GAB2: variants seen among roughly 807,000 people sequenced by gnomAD.
GAB2 encodes the protein GRB2-associated-binding protein 2.
In GAB2, 26 loss-of-function variants were observed where a neutral mutation model predicts 65.5. The observed-to-expected ratio is 0.40, with a 90% CI of 0.29 to 0.55. The LOEUF is 0.55. Among genes scored for constraint, GAB2 ranks in the 20% least tolerant of loss-of-function variants. GAB2 has a pLI of 0.53. For missense variants in GAB2, 884 were observed against 875.8 expected, an observed-to-expected ratio of 1.01 and a Z score of -0.12; for synonymous variants, 321 against 329.6, an observed-to-expected ratio of 0.97 and a Z score of 0.28.
chr11:78,233,990 T>G (rs1214682209), intron 3 of GAB2, among the ~76,000 whole-genome samples: 1 of 152,266 alleles, frequency 6.6e-6, no homozygotes, highest in African/African-American at 2.4e-5. Flanking sequence ...ACTACAGTTT[T>G]TTCTCTTTTA....
chr11:78,366,522 G>C (rs1373814955), intron 1 of GAB2, among the ~76,000 whole-genome samples: 1 of 128,918 alleles, frequency 7.8e-6, no homozygotes, highest in Non-Finnish European at 1.6e-5. Context: ...GGAGGTGGAG[G>C]TTGCAGTAAA....
At chr11:78,219,461 T>C in intron 9 of GAB2, 46 bp from the exon 10 acceptor site, 1 of 1,588,988 alleles carries the variant, frequency 6.3e-7, no homozygotes, top group Non-Finnish European at 8.6e-7. Context: ...GAGTTACCAG[T>C]TAGGTGGGGA....
intron 1 of GAB2, among the ~76,000 whole-genome samples, chr11:78,286,360 AGCTGGAGGT>A (rs1250365950): frequency 6.6e-6 from 1 of 151,994 alleles, no homozygotes; most frequent in African/African-American, 2.4e-5. Context: ...CCCCAGGTAG[AGCTGGAGGT>A]GCTTCTGCTT....
chr11:78,312,763 G>A (rs1855527456), intron 1 of GAB2, among the ~76,000 whole-genome samples: 1 of 152,076 alleles, frequency 6.6e-6, no homozygotes, highest in Non-Finnish European at 1.5e-5. Flanking sequence ...AAACTGGGAG[G>A]GTGAAGTGGT....
At chr11:78,300,592 C>T (rs1198714901) in intron 1 of GAB2, among the ~76,000 whole-genome samples, 1 of 149,794 alleles carries the variant, frequency 6.7e-6, no homozygotes, top group Non-Finnish European at 1.5e-5. Flanking sequence ...CTATCAACAA[C>T]GTATGAGAAT....
At chr11:78,346,696 TATATATATATATATATATATATATAA>T (rs1565168163) in intron 1 of GAB2, among the ~76,000 whole-genome samples, 29 of 91,972 alleles carry the variant, frequency 3.2e-4, no homozygotes, top group African/African-American at 1.8e-3. Context: ...TATATATATA[TATATATATATATATATATATATATAA>T]TTTTTTTTTT....
At chr11:78,255,880 C>G (rs541760992) in intron 2 of GAB2, among the ~76,000 whole-genome samples, 4 of 152,162 alleles carry the variant, frequency 2.6e-5, no homozygotes, top group Admixed American at 2.6e-4. Flanking sequence ...ACATGGTGTG[C>G]TACATGTAAC....
chr11:78,319,734 T>TA (rs1264151094), intron 1 of GAB2, among the ~76,000 whole-genome samples: 5 of 152,202 alleles, frequency 3.3e-5, no homozygotes, highest in African/African-American at 9.7e-5. Flanking sequence ...GCACTTAAAA[T>TA]AAAAAATTAA....
rs1554986623 is a variant in GAB2, at chr11:78,307,614, G to GAGAGAGAGAGCGAGAGAC, written c.76-26714_76-26713insGTCTCTCGCTCTCTCTCT. On this transcript the variant is annotated intron_variant, in intron 1 of 9. Transcript: ENST00000361507. ...CTCTACAAAAAATGTTAGAGAGAGA[G>GAGAGAGAGAGCGAGAGAC]AGAGAGAGAGAGAGAGAGAGATGTT... Among the ~76,000 whole-genome samples, 617 of 149,692 alleles carry GAGAGAGAGAGCGAGAGAC rather than the reference G, an allele frequency of 4.1e-3. 8 individuals are homozygous for GAGAGAGAGAGCGAGAGAC. The highest frequency in any genetic ancestry group is 0.014 in the African/African-American group (569 of 39,476).
chr11:78,241,843 T>C (rs1865144255), intron 3 of GAB2, among the ~76,000 whole-genome samples: 1 of 152,180 alleles, frequency 6.6e-6, no homozygotes, highest in South Asian at 2.1e-4. Flanking sequence ...AGAGACAGAC[T>C]CTAATATAAT....
intron 9 of GAB2, 24 bp downstream of exon 9, chr11:78,220,295 C>T (rs533788190): frequency 6.2e-7 from 1 of 1,610,052 alleles, no homozygotes; most frequent in Non-Finnish European, 8.5e-7. Flanking sequence ...GCTCTTACTG[C>T]CCCCCCAACT....
intron 2 of GAB2, among the ~76,000 whole-genome samples, chr11:78,263,809 C>T (rs1865801514): frequency 6.6e-6 from 1 of 151,864 alleles, no homozygotes; most frequent in African/African-American, 2.4e-5. Flanking sequence ...ACTTTACTGA[C>T]AGAAAGCCTA....
At chr11:78,294,187 C>A (rs550775773) in intron 1 of GAB2, among the ~76,000 whole-genome samples, 4 of 152,030 alleles carry the variant, frequency 2.6e-5, no homozygotes, top group East Asian at 3.9e-4. Context: ...TTTGTCCTTG[C>A]GATAGTTTGC....
chr11:78,310,595 G>A (rs1405299280), intron 1 of GAB2, among the ~76,000 whole-genome samples: 1 of 152,076 alleles, frequency 6.6e-6, no homozygotes, highest in Non-Finnish European at 1.5e-5. Context: ...CCAAGAATGT[G>A]TGGTTAAAAA....
intron 9 of GAB2, among the ~76,000 whole-genome samples, chr11:78,219,696 G>A (rs896483334): frequency 1.1e-4 from 16 of 152,198 alleles, no homozygotes; most frequent in African/African-American, 3.4e-4. Context: ...GGCCCTGGTG[G>A]ATGGGTCCAG....
At position 78,226,587 on chromosome 11, in the gene GAB2, T is replaced by C. The variant is rs1309697595; in HGVS notation, c.1085A>G (p.Glu362Gly). Residue 362 changes from glutamate to glycine, a missense_variant, in exon 4 of 10, where the codon GAA becomes GGA. Physicochemically the swap from Glu to Gly is moderately conservative, Grantham distance 98 (BLOSUM62 -2). Coordinates refer to ENST00000361507, the MANE Select transcript of GAB2 (RefSeq NM_080491.3). The stretch of plus-strand genomic sequence containing the variant: ...CTGAGGACTGCCCCATCGAGGTGTT[T>C]CTGCCTGACTTGGCTTGGGGGGGCG... ...PPRPPKPSQAETPRWGSPQQR... is the reference protein window; with the variant it reads ...PPRPPKPSQAGTPRWGSPQQR... The C allele has an allele frequency of 8.3e-7, 1 of 1,203,094 alleles. No homozygotes were observed. Among genetic ancestry groups the C allele is most frequent in the East Asian group, 4.0e-5 (1 of 25,134 alleles). 74.5% of individuals were successfully genotyped at this position (1,203,094 alleles called of 1,614,324 possible). A position where few individuals can be genotyped will look rare whatever the true frequency, so the allele number is the denominator to read the frequency against.
Position 78,219,428 on chromosome 11 carries a change from A to G in GAB2, c.1888-13T>C. ...ATGAAGTAGATGGCTGAGGGGACAG[A>G]GTGGGAAAGAGGGAGTAGCTGTGAG... On this transcript the variant is annotated splice_polypyrimidine_tract_variant and intron_variant, in intron 9 of 9. Transcript: ENST00000361507. 1 of 1,613,316 alleles carries G rather than the reference A, an allele frequency of 6.2e-7. No homozygotes were observed. The highest frequency in any genetic ancestry group is 8.5e-7 in the Non-Finnish European group (1 of 1,179,510).
chr11:78,323,802 T>C (rs1855772642), intron 1 of GAB2, among the ~76,000 whole-genome samples: 1 of 141,996 alleles, frequency 7.0e-6, no homozygotes, highest in Non-Finnish European at 1.5e-5. Flanking sequence ...TTTTTTTTTT[T>C]TTTTTTTTTT....
chr11:78,245,695 T>C (rs73509397), intron 3 of GAB2, among the ~76,000 whole-genome samples: 6,568 of 152,256 alleles, frequency 0.043, 462 homozygotes, highest in African/African-American at 0.15. Flanking sequence ...AACGGAAAAA[T>C]AATCTTTCAC....
Sources: gnomAD v4.1 joint callset for allele counts (sites outside exome capture counted in the v4.1 genomes callset) on GRCh38, gnomAD v4.1.1 for gene constraint, MANE v1.5 for transcripts, NCBI Gene and HGNC (gene_info 2026-07-23, HGNC 2026-07-21) for gene names.